SLC5A11: variants seen among roughly 807,000 people sequenced by gnomAD.
SLC5A11 encodes the protein sodium/myo-inositol cotransporter 2.
A neutral mutation model predicts 69.8 loss-of-function variants in SLC5A11; 48 were observed. That is an observed-to-expected ratio of 0.69 (90% CI 0.55 to 0.87). SLC5A11 has a LOEUF of 0.87. Ranked by LOEUF, SLC5A11 falls within the 40% of genes least tolerant of loss-of-function variation. SLC5A11 has a pLI of 0.00. For missense variants in SLC5A11, 784 were observed against 866.1 expected (o/e 0.91, Z 1.19); for synonymous variants, 319 against 342.4 (o/e 0.93, Z 0.75).
intron 1 of SLC5A11, among the ~76,000 whole-genome samples, chr16:24,848,479 C>T (rs1306984885): frequency 6.6e-6 from 1 of 152,120 alleles, no homozygotes; most frequent in African/African-American, 2.4e-5. Context: ...TAGCTGGAGG[C>T]CAGGCATGGT....
At chr16:24,884,278 C>T (rs558499999) in intron 8 of SLC5A11, 147 bp downstream of exon 9, 5 of 692,008 alleles carry the variant, frequency 7.2e-6, no homozygotes, top group Non-Finnish European at 1.2e-5. Context: ...GCTTGAGGCA[C>T]GGTTATTTTA....
chr16:24,853,407 G>A (rs572502059), intron 1 of SLC5A11, among the ~76,000 whole-genome samples: 97 of 152,266 alleles, frequency 6.4e-4, no homozygotes, highest in Non-Finnish European at 1.1e-3. Flanking sequence ...TTGGCACACC[G>A]CTGGTGACTA....
chr16:24,905,278 A>T (rs1379555454), intron 10 of SLC5A11, among the ~76,000 whole-genome samples: 1 of 145,984 alleles, frequency 6.9e-6, no homozygotes, highest in African/African-American at 2.6e-5. Context: ...ACAAAAAAAA[A>T]AAAAAAAAAA....
intron 6 of SLC5A11, 167 bp from the exon 8 acceptor site, chr16:24,877,091 G>A: frequency 6.1e-6 from 9 of 1,472,326 alleles, no homozygotes; most frequent in Non-Finnish European, 8.1e-6. Flanking sequence ...GGCTCCAGCT[G>A]AAGACCCCTG....
exon 9 of SLC5A11, chr16:24,890,904 G>A (rs1294089261): frequency 6.2e-7 from 1 of 1,614,140 alleles, no homozygotes; most frequent in Non-Finnish European, 8.5e-7. Context: ...AGGACTGAAG[G>A]AGAAGTACTT....
chr16:24,855,821 G>A (rs1002105763), intron 1 of SLC5A11, among the ~76,000 whole-genome samples: 5 of 152,142 alleles, frequency 3.3e-5, no homozygotes, highest in East Asian at 1.9e-4. Flanking sequence ...CTGACAGCTC[G>A]ATCTTGGACT....
At chr16:24,887,391 C>G (rs1239498049) in intron 8 of SLC5A11, among the ~76,000 whole-genome samples, 1 of 152,090 alleles carries the variant, frequency 6.6e-6, no homozygotes, top group African/African-American at 2.4e-5. Flanking sequence ...CTAAAGCCCC[C>G]TATTTTACTA....
chr16:24,868,647 A>C (rs1310675109), intron 3 of SLC5A11, among the ~76,000 whole-genome samples: 1 of 151,916 alleles, frequency 6.6e-6, no homozygotes, highest in Non-Finnish European at 1.5e-5. Context: ...ACTTACTACA[A>C]CGCTACAGTA....
rs568870189 is a variant in SLC5A11, at chr16:24,888,894, T to G, written c.665-1975T>G. ...TCACTGCAACCTCCACCTCCCGGGT[T>G]CAAGCAATTCTCCTGCCTCAGCCTC... is the stretch of plus-strand genomic sequence containing the variant. On this transcript the variant is annotated intron_variant, in intron 8 of 15. Transcript: ENST00000347898. Among the ~76,000 whole-genome samples, 31 of 144,842 alleles carry G rather than the reference T, an allele frequency of 2.1e-4. No homozygotes were observed. The South Asian group carries it at 5.9e-3, about 27-fold the overall frequency.
At chr16:24,850,272 T>C (rs1275538243) in intron 1 of SLC5A11, among the ~76,000 whole-genome samples, 1 of 152,232 alleles carries the variant, frequency 6.6e-6, no homozygotes, top group Non-Finnish European at 1.5e-5. Flanking sequence ...TTTGGCCTTT[T>C]TGTAGAGATC....
At chr16:24,855,935 T>A (rs1430572679) in intron 1 of SLC5A11, among the ~76,000 whole-genome samples, 2 of 152,180 alleles carry the variant, frequency 1.3e-5, no homozygotes, top group Non-Finnish European at 2.9e-5. Flanking sequence ...TTATGTATGG[T>A]CTCAAGCCGG....
At chr16:24,875,822 C>A in intron 6 of SLC5A11, 91 bp downstream of exon 7, 1 of 1,018,226 alleles carries the variant, frequency 9.8e-7, no homozygotes, top group Non-Finnish European at 1.5e-6. Flanking sequence ...CTCGCTATCC[C>A]CTTTCTCCTC....
At chr16:24,900,122 A>G (rs2049475355) in intron 10 of SLC5A11, among the ~76,000 whole-genome samples, 1 of 152,148 alleles carries the variant, frequency 6.6e-6, no homozygotes, top group South Asian at 2.1e-4. Flanking sequence ...GATACCGAGG[A>G]GGGGCAATGT....
rs869210839 is a variant in SLC5A11 at position 24,896,942 on chromosome 16, C to CTTTTTTTTTTTTTTTTTT, written c.871-1021_871-1004dup. On this transcript the variant is annotated intron_variant, in intron 9 of 15. Coordinates refer to ENST00000347898, the Ensembl canonical transcript of SLC5A11. Reference sequence around the variant, plus strand: ...CACCAGGAGTTAGACAACCTCCTTCCTTTTTTTTTTTTTTTTTTTTTTTTT... The same window carrying CTTTTTTTTTTTTTTTTTT: ...CACCAGGAGTTAGACAACCTCCTTCCTTTTTTTTTTTTTTTTTTTTTTTTTTTTTTTTTTTTTTTTTTT... 4.1e-5 allele frequency among the ~76,000 whole-genome samples: 4 copies of CTTTTTTTTTTTTTTTTTT among 97,092 alleles called. 1 individual carries two copies. The highest frequency in any genetic ancestry group is 3.8e-5 in the Non-Finnish European group (2 of 52,668). The allele number at this position is 97,092 out of a possible 152,430, so 63.7% of individuals were successfully genotyped here. A position where few individuals can be genotyped will look rare whatever the true frequency, so the allele number is the denominator to read the frequency against.
intron 7 of SLC5A11, among the ~76,000 whole-genome samples, chr16:24,879,201 A>AT (rs1014034539): frequency 7.3e-5 from 11 of 150,404 alleles, no homozygotes; most frequent in Non-Finnish European, 1.2e-4. Context: ...ATCTCAACCA[A>AT]TTTTTTTTTC....
At position 24,858,616 on chromosome 16, in the gene SLC5A11, T is replaced by C; in HGVS notation, c.-24-4T>C. 6.3e-7 allele frequency: 1 copy of C among 1,585,892 alleles called. No homozygotes were observed. On this transcript the variant is annotated splice_polypyrimidine_tract_variant and splice_region_variant and intron_variant, in intron 1 of 15. Transcript: ENST00000347898. ...GCATTTGACTGGCATTTGCCCTTCCTCAGGATCCAGAGGTCTCGTTCAGGA... is the reference window on the plus strand; with the variant it reads ...GCATTTGACTGGCATTTGCCCTTCCCCAGGATCCAGAGGTCTCGTTCAGGA...
chr16:24,900,918 TAAAAAAA>T (rs57145899), intron 10 of SLC5A11, among the ~76,000 whole-genome samples: 2 of 116,658 alleles, frequency 1.7e-5, no homozygotes, highest in East Asian at 5.5e-4. Context: ...ACCCTATCTC[TAAAAAAA>T]AAAAAAAAAA....
exon 16 of SLC5A11, chr16:24,911,330 G>A (rs1026811092): frequency 6.2e-7 from 1 of 1,613,934 alleles, no homozygotes; most frequent in Non-Finnish European, 8.5e-7. Context: ...CTTTCTAGGT[G>A]ACATGACCCC....
chr16:24,853,489 C>T (rs1473688108), intron 1 of SLC5A11, among the ~76,000 whole-genome samples: 2 of 151,954 alleles, frequency 1.3e-5, no homozygotes, highest in African/African-American at 4.8e-5. Context: ...AAATGTTCCA[C>T]TAAGTCCTCA....
Sources: allele counts gnomAD v4.1 joint callset (sites outside exome capture counted in the v4.1 genomes callset), GRCh38; gene constraint gnomAD v4.1.1; transcripts MANE v1.5; gene names NCBI Gene and HGNC (gene_info 2026-07-23, HGNC 2026-07-21).